The following MRPL43 variants were observed in gnomAD, a reference collection of about 807,000 sequenced individuals.
MRPL43 encodes the protein mitochondrial ribosomal protein L43.
Under a neutral mutation model 12.7 loss-of-function variants are expected in MRPL43, and 9 were observed. The observed-to-expected ratio is 0.71, with a 90% CI of 0.43 to 1.24. The LOEUF is 1.24. Ranked by LOEUF, MRPL43 falls within the 50% of genes most tolerant of loss-of-function variation. The probability of loss-of-function intolerance (pLI) is 0.00; values close to 1 mark genes in which losing one functional copy is unlikely to be tolerated. For synonymous variants in MRPL43, 116 were observed against 96.4 expected, an observed-to-expected ratio of 1.20 and a Z score of -1.19; for missense variants, 211 against 229.2, an observed-to-expected ratio of 0.92 and a Z score of 0.51.
chr10:100,980,275 A>G (rs1851000938), downstream of MRPL43: 3 of 1,614,104 alleles, frequency 1.9e-6, no homozygotes, highest in African/African-American at 1.3e-5. Flanking sequence ...CATACGCTAC[A>G]CACACCTTAC....
chr10:100,980,785 G>C, downstream of MRPL43: 1 of 1,564,432 alleles, frequency 6.4e-7, no homozygotes, highest in Non-Finnish European at 8.6e-7. Flanking sequence ...TGTATGAGTG[G>C]GGACGCTGCC....
downstream of MRPL43, chr10:100,983,760 C>G (rs138505815): frequency 4.3e-6 from 7 of 1,610,414 alleles, no homozygotes; most frequent in Non-Finnish European, 5.9e-6. Context: ...CTCACTGGGT[C>G]GGGCCAGCCG....
At chr10:100,981,476 G>A, downstream of MRPL43, 1 of 1,614,216 alleles carries the variant, frequency 6.2e-7, no homozygotes, top group South Asian at 1.1e-5. Context: ...TAGCCAAGTA[G>A]TGGATGACAA....
upstream of MRPL43, chr10:100,987,497 TA>T (rs1851595122): frequency 6.3e-7 from 1 of 1,587,796 alleles, no homozygotes; most frequent in Non-Finnish European, 8.6e-7. Context: ...GGGGCGGGAC[TA>T]AACCTCGAGG....
At chr10:100,980,437 A>G, downstream of MRPL43, 23 of 1,408,066 alleles carry the variant, frequency 1.6e-5, no homozygotes, top group South Asian at 2.7e-4. Context: ...TGGAGTTCCC[A>G]GTGTCCTGAG....
chr10:100,986,737 C>T lies in MRPL43; in HGVS notation c.477G>A (p.Gln159=), dbSNP rs147246357. 1.4e-4 allele frequency: 221 copies of T among 1,613,822 alleles called. No homozygotes were observed. Among genetic ancestry groups the T allele is most frequent in the Non-Finnish European group, 1.8e-4 (217 of 1,180,024 alleles). ...CTGCAGTTGGTGGGGCAACTCTTCA[C>T]TGTGCTTGCACCTGGGCTGGGGCAG... ...QDPAPAQVQA[Q] is the part of the protein sequence containing the mutation. The change falls in exon 3 of 3, where the codon CAG becomes CAA. Residue 159 remains glutamine, a synonymous_variant. Transcript: ENST00000318364.
downstream of MRPL43, chr10:100,984,925 T>C (rs1450956457): frequency 6.9e-7 from 1 of 1,445,686 alleles, no homozygotes; most frequent in East Asian, 2.5e-5. Context: ...CCCATCCCCA[T>C]GCACATGTGG....
At chr10:100,980,720 T>C (rs1398113213), downstream of MRPL43, 3 of 1,608,644 alleles carry the variant, frequency 1.9e-6, no homozygotes, top group South Asian at 1.1e-5. Flanking sequence ...ACCCTTAATA[T>C]AGCCTTGCTG....
chr10:100,978,594 C>A (rs1850906271), downstream of MRPL43: 15 of 1,614,148 alleles, frequency 9.3e-6, no homozygotes, highest in Non-Finnish European at 1.3e-5. Flanking sequence ...GGAGCCGCCA[C>A]CCACACTCCC....
At chr10:100,982,791 C>CA (rs1335291943), downstream of MRPL43, among the ~76,000 whole-genome samples, 2 of 151,908 alleles carry the variant, frequency 1.3e-5, no homozygotes, top group East Asian at 1.9e-4. Context: ...GACTCCGTCT[C>CA]AAAAAAACAA....
At chr10:100,981,130 A>G, downstream of MRPL43, 2 of 1,613,132 alleles carry the variant, frequency 1.2e-6, no homozygotes, top group Non-Finnish European at 1.7e-6. Context: ...ACTGAAACCC[A>G]GTTCCCCTTG....
downstream of MRPL43, chr10:100,983,813 G>T: frequency 6.2e-7 from 1 of 1,603,004 alleles, no homozygotes; most frequent in East Asian, 2.3e-5. Flanking sequence ...TCTCAGGCCA[G>T]TGTCCTGGAG....
At chr10:100,980,055 T>C, downstream of MRPL43, 6 of 1,613,508 alleles carry the variant, frequency 3.7e-6, no homozygotes, top group Non-Finnish European at 4.2e-6. Context: ...TCAAAGGGTC[T>C]GGCCTTGTGG....
chr10:100,978,277 T>C, downstream of MRPL43: 1 of 1,601,696 alleles, frequency 6.2e-7, no homozygotes, highest in Non-Finnish European at 8.5e-7. Flanking sequence ...CACTTACTGC[T>C]GGTTCCTTGT....
Position 100,987,486 on chromosome 10 carries a change from G to C in MRPL43, c.-43C>G, listed in dbSNP as rs571481681. On this transcript the variant is annotated 5_prime_UTR_variant, in exon 1 of 3. Coordinates refer to ENST00000318364, the MANE Select transcript of MRPL43 (RefSeq NM_032112.3). ...CGCGGAGCCTAAGCAGCGAGGAGAG[G>C]GGGGCGGGACTAAACCTCGAGGCTT... 105 of 1,603,210 alleles carry C rather than the reference G, an allele frequency of 6.5e-5. No homozygotes were observed. Among genetic ancestry groups the C allele is most frequent in the Non-Finnish European group, 8.2e-5 (96 of 1,175,454 alleles).
At chr10:100,978,205 C>G, downstream of MRPL43, 1 of 886,578 alleles carries the variant, frequency 1.1e-6, no homozygotes, top group South Asian at 1.5e-5. Flanking sequence ...TATCCCTGAT[C>G]GCTGATCCCT....
intron 1 of MRPL43, 52 bp from the exon 2 acceptor site, chr10:100,987,248 C>T: frequency 6.2e-7 from 1 of 1,612,518 alleles, no homozygotes; most frequent in Non-Finnish European, 8.5e-7. Flanking sequence ...GGGCGACCTA[C>T]CCGGGGAGTC....
chr10:100,980,301 C>T, downstream of MRPL43: 1 of 1,614,242 alleles, frequency 6.2e-7, no homozygotes, highest in Non-Finnish European at 8.5e-7. Context: ...CACCTGTCAC[C>T]ACGCCTGCTG....
chr10:100,984,335 A>G, downstream of MRPL43: 2 of 1,442,314 alleles, frequency 1.4e-6, no homozygotes. Flanking sequence ...TGAGCAGCCC[A>G]GGCCCATCGG....
Sources: allele counts gnomAD v4.1 joint callset (sites outside exome capture counted in the v4.1 genomes callset), GRCh38; gene constraint gnomAD v4.1.1; transcripts MANE v1.5; gene names NCBI Gene and HGNC (gene_info 2026-07-23, HGNC 2026-07-21).